Variants in DCC observed in about 807,000 individuals in gnomAD.
DCC encodes the protein netrin receptor DCC.
A neutral mutation model predicts 172.5 loss-of-function variants in DCC; 58 were observed. That is an observed-to-expected ratio of 0.34 (90% CI 0.27 to 0.42). DCC has a LOEUF of 0.42. Among genes scored for constraint, DCC ranks in the 10% least tolerant of loss-of-function variants. The pLI, the probability that DCC is intolerant of heterozygous loss-of-function variation, is 1.00. For missense variants in DCC, 1,740 were observed against 1,791.0 expected, an observed-to-expected ratio of 0.97 and a Z score of 0.51; for synonymous variants, 709 against 644.5, an observed-to-expected ratio of 1.10 and a Z score of -1.52.
intron 13 of DCC, among the ~76,000 whole-genome samples, chr18:53,309,960 G>GTATATATATATATATATATATATA (rs1480456425): frequency 1.6e-5 from 1 of 62,298 alleles, no homozygotes; most frequent in Admixed American, 2.2e-4. Context: ...ATATATACGT[G>GTATATATATATATATATATATATA]TGTGTATATA....
At chr18:52,840,305 T>G (rs1251604423) in intron 2 of DCC, among the ~76,000 whole-genome samples, 1 of 152,184 alleles carries the variant, frequency 6.6e-6, no homozygotes, top group Non-Finnish European at 1.5e-5. Flanking sequence ...TCTGATGCTT[T>G]CCTTTGATTT....
rs559586167 is a variant in DCC at position 52,903,796 on chromosome 18, G to A, written c.413-2248G>A. Among the ~76,000 whole-genome samples, 108 of 152,286 alleles carry A rather than the reference G, an allele frequency of 7.1e-4. 1 individual carries two copies. The South Asian group carries it at 0.022, about 31-fold the overall frequency. ...ATCTGTCACTACTCATTGCAGCTTT[G>A]CTTTGTGTGGTAGACACAGATCATG... On this transcript the variant is annotated intron_variant, in intron 2 of 28. Coordinates refer to ENST00000442544, the MANE Select transcript of DCC (RefSeq NM_005215.4).
At chr18:52,882,255 GC>G (rs2039497481) in intron 2 of DCC, among the ~76,000 whole-genome samples, 1 of 149,434 alleles carries the variant, frequency 6.7e-6, no homozygotes, top group South Asian at 2.1e-4. Flanking sequence ...GGTTCGACTT[GC>G]CCTTTCTTTT....
chr18:53,311,692 C>A (rs557995812), intron 13 of DCC, among the ~76,000 whole-genome samples: 1 of 152,288 alleles, frequency 6.6e-6, no homozygotes, highest in African/African-American at 2.4e-5. Context: ...GAACTCAAAT[C>A]ATTCACTATG....
rs924077447 is a variant in DCC at position 53,109,017 on chromosome 18, T to G, written c.1261+42851T>G. On this transcript the variant is annotated intron_variant, in intron 7 of 28. Coordinates refer to ENST00000442544, the MANE Select transcript of DCC (RefSeq NM_005215.4). ...CCAAAGTGGTTATATCAATTTATAT[T>G]TTCACCTAGTACTTATAAGAGTTGC... 2.0e-5 allele frequency among the ~76,000 whole-genome samples: 3 copies of G among 151,092 alleles called. No individual in the cohort carries two copies. In the Admixed American group the frequency reaches 2.0e-4, roughly 10 times the overall value.
chr18:52,741,476 G>A (rs112589075), intron 1 of DCC, among the ~76,000 whole-genome samples: 4,212 of 152,148 alleles, frequency 0.028, 193 homozygotes, highest in African/African-American at 0.096. Flanking sequence ...GATGTGCTAC[G>A]TCCCTCTACA....
At chr18:53,513,041 A>G (rs1333732122) in intron 27 of DCC, among the ~76,000 whole-genome samples, 2 of 152,206 alleles carry the variant, frequency 1.3e-5, no homozygotes, top group African/African-American at 4.8e-5. Context: ...GAAGGAAAAA[A>G]TGTTAAGGGA....
chr18:52,523,052 T>G (rs2031868980), intron 1 of DCC, among the ~76,000 whole-genome samples: 1 of 152,192 alleles, frequency 6.6e-6, no homozygotes, highest in African/African-American at 2.4e-5. Context: ...TTTTATTTAC[T>G]TACTGTCCTC....
At chr18:52,450,220 G>T (rs966823391) in intron 1 of DCC, among the ~76,000 whole-genome samples, 1 of 152,152 alleles carries the variant, frequency 6.6e-6, no homozygotes, top group African/African-American at 2.4e-5. Flanking sequence ...AGTAACATAG[G>T]CAGGAAGTAA....
chr18:53,294,661 C>G (rs1462771988), intron 12 of DCC, among the ~76,000 whole-genome samples: 1 of 152,094 alleles, frequency 6.6e-6, no homozygotes, highest in Non-Finnish European at 1.5e-5. Context: ...GGGACTCACC[C>G]GGAAACAAGG....
intron 1 of DCC, among the ~76,000 whole-genome samples, chr18:52,439,814 T>C (rs568299294): frequency 5.3e-5 from 8 of 152,232 alleles, no homozygotes; most frequent in Admixed American, 1.3e-4. Context: ...CCATTTACCA[T>C]AATGCGAGTA....
chr18:52,664,225 T>G (rs940359379), intron 1 of DCC, among the ~76,000 whole-genome samples: 2 of 152,136 alleles, frequency 1.3e-5, no homozygotes, highest in African/African-American at 2.4e-5. Flanking sequence ...TGAATTATTT[T>G]GAGAGGAAGG....
At position 53,053,152 on chromosome 18, in the gene DCC, C is replaced by A. The variant is rs566706197; in HGVS notation, c.986-10153C>A. Reference sequence around the variant, plus strand: ...AGCAAGACTCCATCTCAAACAAAATCAAAAACAAACAAACAAACAAAACAA... The same window carrying A: ...AGCAAGACTCCATCTCAAACAAAATAAAAAACAAACAAACAAACAAAACAA... On this transcript the variant is annotated intron_variant, in intron 5 of 28. Transcript: ENST00000442544. Among the ~76,000 whole-genome samples, 6 of 151,918 alleles carry A rather than the reference C, an allele frequency of 3.9e-5. No homozygotes were observed. In the Middle Eastern group the frequency reaches 0.017, roughly 431 times the overall value.
chr18:52,638,953 G>A (rs1025432048), intron 1 of DCC, among the ~76,000 whole-genome samples: 1 of 151,632 alleles, frequency 6.6e-6, no homozygotes, highest in Non-Finnish European at 1.5e-5. Context: ...CATATGACAG[G>A]CCATTCTCTC....
At chr18:52,874,480 TTTA>T (rs1351479349) in intron 2 of DCC, among the ~76,000 whole-genome samples, 3 of 152,252 alleles carry the variant, frequency 2.0e-5, no homozygotes, top group Admixed American at 1.3e-4. Context: ...CAATTTTTAG[TTTA>T]TTATTCTTTA....
chr18:53,051,741 G>C (rs184545535), intron 5 of DCC, among the ~76,000 whole-genome samples: 181 of 151,900 alleles, frequency 1.2e-3, no homozygotes, highest in African/African-American at 4.3e-3. Context: ...TTTCTTTCTG[G>C]ATGTTCAAAT....
intron 1 of DCC, among the ~76,000 whole-genome samples, chr18:52,711,388 C>T (rs903199855): frequency 2.6e-5 from 4 of 152,116 alleles, no homozygotes; most frequent in Non-Finnish European, 4.4e-5. Flanking sequence ...CCACCAACCC[C>T]GGCTAATGAG....
intron 1 of DCC, among the ~76,000 whole-genome samples, chr18:52,564,200 A>C (rs969709686): frequency 2.0e-5 from 3 of 152,126 alleles, no homozygotes; most frequent in Non-Finnish European, 2.9e-5. Context: ...CCAAAAGTAA[A>C]AGATGACAAT....
At chr18:52,660,488 A>C (rs1459777118) in intron 1 of DCC, among the ~76,000 whole-genome samples, 1 of 152,250 alleles carries the variant, frequency 6.6e-6, no homozygotes, top group South Asian at 2.1e-4. Context: ...CTCTGGTTCA[A>C]GTTTACTGTG....
Sources: gnomAD v4.1 joint callset for allele counts (sites outside exome capture counted in the v4.1 genomes callset) on GRCh38, gnomAD v4.1.1 for gene constraint, MANE v1.5 for transcripts, NCBI Gene and HGNC (gene_info 2026-07-23, HGNC 2026-07-21) for gene names.